ACVR1: variants seen among roughly 807,000 people sequenced by gnomAD.
ACVR1 encodes activin receptor type-1.
In ACVR1, 38 loss-of-function variants were observed where a neutral mutation model predicts 57.1. That is an observed-to-expected ratio of 0.67 (90% CI 0.51 to 0.87). The LOEUF (loss-of-function observed/expected upper bound fraction) is 0.87. Among genes scored for constraint, ACVR1 ranks in the 40% least tolerant of loss-of-function variants. The pLI is 0.00. For synonymous variants in ACVR1, 212 were observed against 228.1 expected (o/e 0.93, Z 0.63); for missense variants, 463 against 638.2 (o/e 0.73, Z 2.96).
At position 157,766,264 on chromosome 2, in the gene ACVR1, T is replaced by C. The variant is rs1313481351; in HGVS notation, c.791-68A>G. Reference sequence around the variant, plus strand: ...CATTATAACTTAAAGTATTTAGAAATAGCGACCTACACAGTAAATGTCATC... The same window carrying C: ...CATTATAACTTAAAGTATTTAGAAACAGCGACCTACACAGTAAATGTCATC... On this transcript the variant is annotated intron_variant, in intron 7 of 10. Coordinates refer to ENST00000434821, the MANE Select transcript of ACVR1 (RefSeq NM_001111067.4). 6.0e-6 allele frequency: 9 copies of C among 1,498,948 alleles called. No homozygotes were observed. In the East Asian group the frequency reaches 1.4e-4, roughly 23 times the overall value. The allele number at this position is 1,498,948 out of a possible 1,614,324, so 92.9% of individuals were successfully genotyped here.
At chr2:157,769,837 G>A (rs1302483458) in intron 7 of ACVR1, among the ~76,000 whole-genome samples, 1 of 152,154 alleles carries the variant, frequency 6.6e-6, no homozygotes, top group East Asian at 1.9e-4. Context: ...ATTTCAACGG[G>A]CACTTTACAT....
intron 3 of ACVR1, among the ~76,000 whole-genome samples, chr2:157,796,901 C>G (rs1292809947): frequency 6.6e-6 from 1 of 152,144 alleles, no homozygotes; most frequent in Non-Finnish European, 1.5e-5. Context: ...CTTCTTGGCA[C>G]TAACTGACAC....
chr2:157,795,150 C>T (rs1188557944), intron 3 of ACVR1, among the ~76,000 whole-genome samples: 1 of 152,000 alleles, frequency 6.6e-6, no homozygotes, highest in Non-Finnish European at 1.5e-5. Flanking sequence ...GGGTCTATTT[C>T]CTTTTAAACG....
intron 2 of ACVR1, among the ~76,000 whole-genome samples, chr2:157,814,252 G>T (rs1204607938): frequency 6.6e-6 from 1 of 151,918 alleles, no homozygotes; most frequent in East Asian, 1.9e-4. Flanking sequence ...TAAAAAGGGG[G>T]GACCAATAAT....
At chr2:157,738,921 A>G (rs1158511337) in intron 9 of ACVR1, among the ~76,000 whole-genome samples, 1 of 152,248 alleles carries the variant, frequency 6.6e-6, no homozygotes, top group Non-Finnish European at 1.5e-5. Context: ...CTTTGGTGAT[A>G]AAAACCACCC....
intron 3 of ACVR1, among the ~76,000 whole-genome samples, chr2:157,795,499 T>C (rs959931066): frequency 2.0e-5 from 3 of 151,694 alleles, no homozygotes; most frequent in African/African-American, 4.8e-5. Flanking sequence ...TAGAGTATGC[T>C]AGGCTATAGC....
At chr2:157,828,513 C>A (rs1688471567) in intron 1 of ACVR1, among the ~76,000 whole-genome samples, 1 of 150,440 alleles carries the variant, frequency 6.6e-6, no homozygotes, top group African/African-American at 2.4e-5. Flanking sequence ...CCCAGCTACT[C>A]AGGAAGCTGA....
Position 157,862,422 on chromosome 2 carries a change from T to TACACACACACAC in ACVR1, c.-183+13362_-183+13373dup, listed in dbSNP as rs68077740. On this transcript the variant is annotated intron_variant, in intron 1 of 10. Transcript: ENST00000434821. ...TAGGCACAGGATAAACATATACACA[T>TACACACACACAC]ACACACACACACACACACACACACA... is the stretch of plus-strand genomic sequence containing the variant. 1.5e-3 allele frequency among the ~76,000 whole-genome samples: 219 copies of TACACACACACAC among 143,738 alleles called. 1 individual carries two copies. Among genetic ancestry groups the TACACACACACAC allele is most frequent in the South Asian group, 0.011 (49 of 4,418 alleles). The allele number at this position is 143,738 out of a possible 152,430, so 94.3% of individuals were successfully genotyped here.
At chr2:157,831,848 AGAT>A (rs1688589464) in intron 1 of ACVR1, among the ~76,000 whole-genome samples, 1 of 152,252 alleles carries the variant, frequency 6.6e-6, no homozygotes, top group Non-Finnish European at 1.5e-5. Context: ...TTCTAACATT[AGAT>A]AGTGGTGTCA....
At chr2:157,782,003 G>A (rs1460782978) in intron 3 of ACVR1, among the ~76,000 whole-genome samples, 1 of 152,194 alleles carries the variant, frequency 6.6e-6, no homozygotes, top group Admixed American at 6.5e-5. Flanking sequence ...GGGTCTAGGA[G>A]ATAAATGCTT....
intron 1 of ACVR1, among the ~76,000 whole-genome samples, chr2:157,835,347 C>T (rs925239517): frequency 2.0e-5 from 3 of 152,130 alleles, no homozygotes; most frequent in Admixed American, 2.0e-4. Context: ...TTATACCTGC[C>T]TCACAGAATT....
intron 1 of ACVR1, among the ~76,000 whole-genome samples, chr2:157,868,361 C>G (rs1690011127): frequency 6.6e-6 from 1 of 151,848 alleles, no homozygotes; most frequent in African/African-American, 2.4e-5. Context: ...GTGGTGAGTG[C>G]CTGTAATCCC....
At chr2:157,737,771 T>C (rs1365696896) in intron 10 of ACVR1, 106 bp from the exon 11 acceptor site, 2 of 1,444,968 alleles carry the variant, frequency 1.4e-6, no homozygotes, top group African/African-American at 1.4e-5. Context: ...GCAGGTCTTG[T>C]GAAATTAGAG....
At chr2:157,840,468 T>C (rs1365463347) in intron 1 of ACVR1, among the ~76,000 whole-genome samples, 2 of 152,262 alleles carry the variant, frequency 1.3e-5, no homozygotes, top group Non-Finnish European at 1.5e-5. Context: ...TGTGAGAACT[T>C]ACTTTTTCAC....
At chr2:157,784,552 G>A (rs745612956) in intron 3 of ACVR1, among the ~76,000 whole-genome samples, 3 of 152,236 alleles carry the variant, frequency 2.0e-5, no homozygotes, top group Non-Finnish European at 4.4e-5. Flanking sequence ...GGCACCTCCC[G>A]GCATTACTCA....
intron 1 of ACVR1, among the ~76,000 whole-genome samples, chr2:157,857,189 C>A (rs760734639): frequency 6.6e-6 from 1 of 151,934 alleles, no homozygotes; most frequent in South Asian, 2.1e-4. Flanking sequence ...CAGGGTAAGA[C>A]CCTGACTCAA....
At chr2:157,763,331 T>C (rs891086548) in intron 8 of ACVR1, among the ~76,000 whole-genome samples, 3 of 152,184 alleles carry the variant, frequency 2.0e-5, no homozygotes, top group African/African-American at 7.2e-5. Flanking sequence ...TGGTCACAGA[T>C]TGATAAAGCA....
chr2:157,740,784 G>A (rs560063631), intron 9 of ACVR1, among the ~76,000 whole-genome samples: 13 of 152,202 alleles, frequency 8.5e-5, no homozygotes, highest in East Asian at 3.9e-4. Flanking sequence ...TTGTGTTTCC[G>A]TTTCCCATGT....
At chr2:157,743,150 G>A (rs942157648) in intron 9 of ACVR1, among the ~76,000 whole-genome samples, 2 of 152,068 alleles carry the variant, frequency 1.3e-5, no homozygotes, top group African/African-American at 4.8e-5. Flanking sequence ...CTGTCATCGT[G>A]GTCAAGTTTT....
Sources: gnomAD v4.1 joint callset for allele counts (sites outside exome capture counted in the v4.1 genomes callset) on GRCh38, gnomAD v4.1.1 for gene constraint, MANE v1.5 for transcripts, NCBI Gene and HGNC (gene_info 2026-07-23, HGNC 2026-07-21) for gene names.